The following DOCK5 variants were observed in gnomAD, a reference collection of about 807,000 sequenced individuals.
The protein encoded by DOCK5 is dedicator of cytokinesis 5.
Under a neutral mutation model 251.8 loss-of-function variants are expected in DOCK5, and 142 were observed. The observed-to-expected ratio is 0.56, with a 90% CI of 0.49 to 0.65. The LOEUF (loss-of-function observed/expected upper bound fraction) is 0.65, where lower values mean the gene tolerates loss of function less well. Ranked by LOEUF, DOCK5 falls within the 30% of genes least tolerant of loss-of-function variation. The pLI is 0.00. For missense variants in DOCK5, 2,111 were observed against 2,312.3 expected (o/e 0.91, Z 1.79); for synonymous variants, 842 against 835.5 (o/e 1.01, Z -0.13).
At chr8:25,266,064 A>C (rs986148968) in intron 2 of DOCK5, among the ~76,000 whole-genome samples, 1 of 151,846 alleles carries the variant, frequency 6.6e-6, no homozygotes, top group Non-Finnish European at 1.5e-5. Context: ...CCCTAAATGT[A>C]GGCAAGAGTG....
At chr8:25,235,349 C>T (rs1041641469) in intron 1 of DOCK5, among the ~76,000 whole-genome samples, 28 of 152,136 alleles carry the variant, frequency 1.8e-4, no homozygotes, top group Admixed American at 1.8e-3. Flanking sequence ...AAGCCTCAAC[C>T]TCCTGGGCTC....
intron 51 of DOCK5, among the ~76,000 whole-genome samples, chr8:25,410,470 T>A (rs987528737): frequency 2.6e-5 from 4 of 151,738 alleles, no homozygotes; most frequent in African/African-American, 9.7e-5. Flanking sequence ...TTCACCTTTT[T>A]AGGGGGGCGG....
intron 2 of DOCK5, among the ~76,000 whole-genome samples, chr8:25,260,208 C>G (rs971986536): frequency 1.3e-5 from 2 of 151,958 alleles, no homozygotes; most frequent in Non-Finnish European, 2.9e-5. Flanking sequence ...CCCGTGGAAA[C>G]CTGACGAGCT....
At chr8:25,235,580 C>G (rs894327585) in intron 1 of DOCK5, among the ~76,000 whole-genome samples, 2 of 151,868 alleles carry the variant, frequency 1.3e-5, no homozygotes, top group Non-Finnish European at 2.9e-5. Flanking sequence ...TTTCGAATTG[C>G]CTTGTTTCTG....
chr8:25,200,188 A>G (rs765471371), intron 1 of DOCK5, among the ~76,000 whole-genome samples: 18 of 152,224 alleles, frequency 1.2e-4, no homozygotes, highest in African/African-American at 2.4e-4. Flanking sequence ...GAAAATTCCA[A>G]TTAAAGTTGG....
chr8:25,202,579 C>T (rs977880585), intron 1 of DOCK5, among the ~76,000 whole-genome samples: 1 of 152,288 alleles, frequency 6.6e-6, no homozygotes, highest in Non-Finnish European at 1.5e-5. Context: ...CTTTTATGTT[C>T]CAGGGTCTTG....
intron 38 of DOCK5, among the ~76,000 whole-genome samples, chr8:25,379,183 C>A (rs1017936344): frequency 1.3e-5 from 2 of 152,162 alleles, no homozygotes; most frequent in African/African-American, 4.8e-5. Flanking sequence ...AGCAGAGAAG[C>A]GGTCTGACCA....
intron 2 of DOCK5, among the ~76,000 whole-genome samples, chr8:25,258,906 G>C (rs921729634): frequency 1.3e-5 from 2 of 152,122 alleles, no homozygotes; most frequent in Non-Finnish European, 1.5e-5. Context: ...ATCACTTGAG[G>C]TCAAGAGTTT....
intron 1 of DOCK5, among the ~76,000 whole-genome samples, chr8:25,224,181 T>G (rs1312450107): frequency 6.6e-6 from 1 of 152,192 alleles, no homozygotes; most frequent in East Asian, 1.9e-4. Flanking sequence ...CACAGTGGTG[T>G]GATCTTGGCT....
At chr8:25,282,549 G>A (rs547454751) in intron 5 of DOCK5, among the ~76,000 whole-genome samples, 4 of 152,122 alleles carry the variant, frequency 2.6e-5, no homozygotes, top group African/African-American at 7.2e-5. Context: ...AACACCAGAC[G>A]CTCTGTTTGA....
At chr8:25,392,652 G>T (rs902737204) in intron 43 of DOCK5, 144 bp from the exon 44 acceptor site, 2 of 673,900 alleles carry the variant, frequency 3.0e-6, no homozygotes, top group Admixed American at 2.8e-5. Context: ...AGAAAATTTG[G>T]CTCAGTCTCT....
intron 27 of DOCK5, among the ~76,000 whole-genome samples, chr8:25,356,035 C>CAAA (rs375002413): frequency 5.3e-5 from 7 of 132,696 alleles, no homozygotes; most frequent in African/African-American, 8.5e-5. Flanking sequence ...TATTAAAATA[C>CAAA]AAAAAAAAAA....
intron 15 of DOCK5, 73 bp from the exon 16 acceptor site, chr8:25,320,907 T>C (rs1805407018): frequency 7.4e-7 from 1 of 1,353,462 alleles, no homozygotes; most frequent in Non-Finnish European, 1.0e-6. Context: ...AAATTGAGCC[T>C]AATTCCATGA....
At chr8:25,330,350 G>T (rs1429160940) in intron 18 of DOCK5, among the ~76,000 whole-genome samples, 1 of 152,160 alleles carries the variant, frequency 6.6e-6, no homozygotes, top group African/African-American at 2.4e-5. Flanking sequence ...CAAGATAAAA[G>T]AATGAATACT....
Position 25,243,169 on chromosome 8 carries a change from C to T in DOCK5, c.44-505C>T, listed in dbSNP as rs1279290477. On this transcript the variant is annotated intron_variant, in intron 1 of 51. Transcript: ENST00000276440. ...ATGTCCATGTGATTTGCCCCTCTAT[C>T]ACTAGTCTCTAACACAGTTCGTGAT... Among the ~76,000 whole-genome samples the T allele has an allele frequency of 2.0e-5, 3 of 152,298 alleles. No individual in the cohort carries two copies. In the East Asian group the frequency reaches 5.8e-4, roughly 29 times the overall value.
chr8:25,342,278 A>G, intron 24 of DOCK5, 123 bp from the exon 25 acceptor site: 1 of 673,322 alleles, frequency 1.5e-6, no homozygotes, highest in Admixed American at 2.5e-5. Flanking sequence ...CTCTCAGGTC[A>G]TTTTGTAGTT....
intron 2 of DOCK5, among the ~76,000 whole-genome samples, chr8:25,268,505 A>G (rs1803822919): frequency 6.6e-6 from 1 of 152,154 alleles, no homozygotes; most frequent in Admixed American, 6.5e-5. Context: ...TCATGCAAAA[A>G]CATTTATTAA....
Position 25,374,637 on chromosome 8 carries a change from C to G in DOCK5, c.3799C>G (p.His1267Asp). The G allele has an allele frequency of 6.2e-7, 1 of 1,613,922 alleles. No homozygotes were observed. The highest frequency in any genetic ancestry group is 8.5e-7 in the Non-Finnish European group (1 of 1,179,864). ...YTEAAYTLLL[H>D]AELLQWSDKP... ...AGAAGCTGCCTACACGCTTCTCTTG[C>G]ACGCTGAGCTTCTGCAGGTGAATGG... Residue 1267 changes from histidine (H) to aspartate (D), a missense_variant, in exon 37 of 52, where the codon CAC becomes GAC. His to Asp is a moderately conservative substitution (Grantham distance 81). This residue lies in a region of DOCK5 where 1,717 missense variants were observed against 1,892.4 expected (regional missense o/e 0.91). Coordinates refer to ENST00000276440, the MANE Select transcript of DOCK5 (RefSeq NM_024940.8).
chr8:25,211,973 A>T (rs1802126223), intron 1 of DOCK5, among the ~76,000 whole-genome samples: 1 of 68,536 alleles, frequency 1.5e-5, no homozygotes. Flanking sequence ...ATATTGGCTA[A>T]CACGGTGAAT....
Sources: allele counts gnomAD v4.1 joint callset (sites outside exome capture counted in the v4.1 genomes callset), GRCh38; gene constraint gnomAD v4.1.1; regional missense constraint gnomAD v4.1.1; transcripts MANE v1.5; gene names NCBI Gene and HGNC (gene_info 2026-07-23, HGNC 2026-07-21).